The following USP44 variants were observed in gnomAD, a reference collection of about 807,000 sequenced individuals.
The protein encoded by USP44 is ubiquitin carboxyl-terminal hydrolase 44.
A neutral mutation model predicts 69.0 loss-of-function variants in USP44; 61 were observed. The ratio of observed to expected loss-of-function variants is 0.88; its 90% CI spans 0.72 to 1.09. The LOEUF (loss-of-function observed/expected upper bound fraction) is 1.09, where lower values mean the gene tolerates loss of function less well. Ranked by LOEUF, USP44 falls within the 50% of genes least tolerant of loss-of-function variation. The probability of loss-of-function intolerance (pLI) is 0.00; values close to 1 mark genes in which losing one functional copy is unlikely to be tolerated. For missense variants in USP44, 753 were observed against 849.9 expected, an observed-to-expected ratio of 0.89 and a Z score of 1.42; for synonymous variants, 297 against 295.4, an observed-to-expected ratio of 1.01 and a Z score of -0.06.
intron 3 of USP44, among the ~76,000 whole-genome samples, chr12:95,526,669 C>T (rs962610438): frequency 3.9e-5 from 6 of 152,118 alleles, no homozygotes; most frequent in South Asian, 2.1e-4. Flanking sequence ...TTCCAGGAAA[C>T]CATCAATTGA....
Position 95,542,543 on chromosome 12 carries a change from A to ATCACCTGAGGAGT in USP44, c.-70-8230_-70-8218dup, listed in dbSNP as rs561380768. On this transcript the variant is annotated intron_variant, in intron 1 of 5. Coordinates refer to ENST00000258499, the MANE Select transcript of USP44 (RefSeq NM_032147.5). Reference sequence around the variant, plus strand: ...CACTTTGGGAGGCCAAGGTGGGCAGATCACCTGAGGAGTTCAAGACCATCC... The same window carrying ATCACCTGAGGAGT: ...CACTTTGGGAGGCCAAGGTGGGCAGATCACCTGAGGAGTTCACCTGAGGAGTTCAAGACCATCC... Among the ~76,000 whole-genome samples, 355 of 152,236 alleles carry ATCACCTGAGGAGT rather than the reference A, an allele frequency of 2.3e-3. 2 individuals are homozygous for ATCACCTGAGGAGT. Among genetic ancestry groups the ATCACCTGAGGAGT allele is most frequent in the African/African-American group, 7.9e-3 (330 of 41,548 alleles).
intron 1 of USP44, among the ~76,000 whole-genome samples, chr12:95,542,183 C>G (rs1291027601): frequency 6.6e-6 from 1 of 152,136 alleles, no homozygotes; most frequent in African/African-American, 2.4e-5. Context: ...GCCCAGCCTT[C>G]TTTAATTTCT....
chr12:95,539,038 T>C (rs1184845046), intron 1 of USP44, among the ~76,000 whole-genome samples: 3 of 152,206 alleles, frequency 2.0e-5, no homozygotes, highest in Non-Finnish European at 4.4e-5. Context: ...GACAAAATAT[T>C]ACCTGTACCA....
chr12:95,521,147 T>C lies in USP44; in HGVS notation c.1789A>G (p.Ile597Val), dbSNP rs1274426091. ...CAGCAATAGGGCTCCATGTTTAAGA[T>C]TTCCTCAAAGCCAACATGAACACCA... is the stretch of plus-strand genomic sequence containing the variant. ...KIGVHVGFEE[I>V]LNMEPYCCRE... is the part of the protein sequence containing the mutation. Residue 597 changes from isoleucine (I) to valine (V), a missense_variant, in exon 5 of 6, where the codon ATC becomes GTC. By Grantham distance (29) the Ile-to-Val change is conservative (BLOSUM62 3). Transcript: ENST00000258499. 6.2e-7 allele frequency: 1 copy of C among 1,614,178 alleles called. No individual in the cohort carries two copies. Among genetic ancestry groups the C allele is most frequent in the South Asian group, 1.1e-5 (1 of 91,076 alleles).
chr12:95,521,132 G>GC lies in USP44; in HGVS notation c.1803dup (p.Pro602AlafsTer19), dbSNP rs775551127. The GC allele has an allele frequency of 2.5e-6, 4 of 1,614,038 alleles. No individual in the cohort carries two copies. The African/African-American group carries it at 5.3e-5, about 22-fold the overall frequency. On this transcript the variant is annotated frameshift_variant, in exon 5 of 6. Transcript: ENST00000258499. LOFTEE classifies it high-confidence loss of function. ...TTCAGGGTCTCCCTGCAGCAATAGG[G>GC]CTCCATGTTTAAGATTTCCTCAAAG...
intron 1 of USP44, among the ~76,000 whole-genome samples, chr12:95,549,562 C>T (rs2077685514): frequency 6.6e-6 from 1 of 152,160 alleles, no homozygotes; most frequent in African/African-American, 2.4e-5. Flanking sequence ...TGAACCTATA[C>T]TCAATGACAA....
chr12:95,540,874 A>G (rs2077363984), intron 1 of USP44, among the ~76,000 whole-genome samples: 1 of 152,190 alleles, frequency 6.6e-6, no homozygotes, highest in South Asian at 2.1e-4. Flanking sequence ...TTTTGATGAA[A>G]AAATTATAAT....
intron 1 of USP44, among the ~76,000 whole-genome samples, chr12:95,539,629 A>T (rs556568242): frequency 1.3e-5 from 2 of 152,358 alleles, no homozygotes; most frequent in Admixed American, 1.3e-4. Context: ...CAGTGCAAAA[A>T]GACAATAAAA....
chr12:95,541,958 C>A (rs1472472464), intron 1 of USP44, among the ~76,000 whole-genome samples: 2 of 148,660 alleles, frequency 1.3e-5, no homozygotes, highest in African/African-American at 5.0e-5. Context: ...TGGCTCACTG[C>A]AACTTCCGTT....
At chr12:95,519,333 G>T (rs2076572430) in intron 5 of USP44, among the ~76,000 whole-genome samples, 1 of 151,466 alleles carries the variant, frequency 6.6e-6, no homozygotes, top group Admixed American at 6.6e-5. Context: ...CTAAACCTGG[G>T]TCCCATCCTT....
intron 4 of USP44, among the ~76,000 whole-genome samples, chr12:95,521,789 A>T (rs1021381206): frequency 6.6e-6 from 1 of 152,058 alleles, no homozygotes; most frequent in Admixed American, 6.6e-5. Flanking sequence ...GCCCAGCCCC[A>T]CCGAAGGGTT....
chr12:95,538,402 C>A (rs974667918), intron 1 of USP44, among the ~76,000 whole-genome samples: 1 of 151,948 alleles, frequency 6.6e-6, no homozygotes, highest in East Asian at 1.9e-4. Context: ...ATGCTAGTTT[C>A]CTTCTAGTTG....
intron 5 of USP44, among the ~76,000 whole-genome samples, chr12:95,520,600 A>AAACTTG (rs2076629848): frequency 6.6e-6 from 1 of 152,216 alleles, no homozygotes; most frequent in Non-Finnish European, 1.5e-5. Context: ...TTTGTGTGTT[A>AAACTTG]AACTTGAACG....
At chr12:95,542,689 G>C (rs551826809) in intron 1 of USP44, among the ~76,000 whole-genome samples, 2 of 151,846 alleles carry the variant, frequency 1.3e-5, no homozygotes, top group African/African-American at 2.4e-5. Context: ...TTGAACCCTG[G>C]AGGCGGAGGT....
At chr12:95,549,129 G>T (rs1565848501) in intron 1 of USP44, among the ~76,000 whole-genome samples, 2 of 152,376 alleles carry the variant, frequency 1.3e-5, no homozygotes, top group East Asian at 3.9e-4. Flanking sequence ...ATCCACGGAC[G>T]TCGTTAGTCC....
At position 95,533,550 on chromosome 12, in the gene USP44, G is replaced by T; in HGVS notation, c.707C>A (p.Thr236Lys). Reference sequence around the variant, plus strand: ...TTTATCTTTTGCTGGTGATGCTGGCGTTTGTGCTGGCACCTGAACAGAAAC... The same window carrying T: ...TTTATCTTTTGCTGGTGATGCTGGCTTTTGTGCTGGCACCTGAACAGAAAC... Reference protein sequence around the residue: ...EIVSVQVPAQTPASPAKDKVL... With the variant: ...EIVSVQVPAQKPASPAKDKVL... The change falls in exon 2 of 6, where the codon ACG (threonine) becomes AAG (lysine). Residue 236 changes from threonine (T) to lysine (K), a missense_variant. Transcript: ENST00000258499. 2 of 1,613,542 alleles carry T rather than the reference G, an allele frequency of 1.2e-6. No individual in the cohort carries two copies. The highest frequency in any genetic ancestry group is 2.2e-5 in the South Asian group (2 of 91,008).
chr12:95,526,409 A>G (rs1233408730), intron 3 of USP44, among the ~76,000 whole-genome samples: 4 of 152,128 alleles, frequency 2.6e-5, no homozygotes, highest in Non-Finnish European at 5.9e-5. Flanking sequence ...TGTCTCTACT[A>G]AAAATACAAA....
In USP44 at chr12:95,533,140, C is replaced by T; in HGVS notation, c.1117G>A (p.Glu373Lys). ...AGAGAAATGTACTGTGAAGTTGGCT[C>T]CTTTGGCTGAATAAGTTCCATCTTT... ...GRKMELIQPK[E>K]PTSQYISLCH... Residue 373 changes from glutamate (E) to lysine (K), a missense_variant, in exon 2 of 6, where the codon GAG (glutamate) becomes AAG (lysine). Physicochemically the swap from Glu to Lys is moderately conservative, Grantham distance 56 (BLOSUM62 1). Coordinates refer to ENST00000258499, the MANE Select transcript of USP44 (RefSeq NM_032147.5). 1.2e-6 allele frequency: 2 copies of T among 1,614,178 alleles called. No homozygotes were observed. Among genetic ancestry groups the T allele is most frequent in the South Asian group, 1.1e-5 (1 of 91,076 alleles).
rs1243819284 is a variant in USP44, at chr12:95,524,719, T to C, written c.1694A>G (p.His565Arg). 6.2e-7 allele frequency: 1 copy of C among 1,612,614 alleles called. No individual in the cohort carries two copies. Among genetic ancestry groups the C allele is most frequent in the Admixed American group, 1.7e-5 (1 of 59,730 alleles). The change falls in exon 4 of 6, where the codon CAC becomes CGC. Residue 565 changes from histidine to arginine, a missense_variant. By Grantham distance (29) the His-to-Arg change is conservative. Coordinates refer to ENST00000258499, the MANE Select transcript of USP44 (RefSeq NM_032147.5). ...GTGCAGTCTGAGAACCTGAGGTAGG[T>C]GGCATATCATAAGTTGTTTCTGGGC... The part of the protein sequence containing the change: ...TEAQKQLMIC[H>R]LPQVLRLHLK...
Sources: gnomAD v4.1 joint callset for allele counts (sites outside exome capture counted in the v4.1 genomes callset) on GRCh38, gnomAD v4.1.1 for gene constraint, MANE v1.5 for transcripts, NCBI Gene and HGNC (gene_info 2026-07-23, HGNC 2026-07-21) for gene names.